Variants in PLD5 observed in about 807,000 individuals in gnomAD.
The protein encoded by PLD5 is inactive phospholipase D5.
Under a neutral mutation model 61.1 loss-of-function variants are expected in PLD5, and 36 were observed. The observed-to-expected ratio is 0.59, with a 90% CI of 0.45 to 0.78. The LOEUF (loss-of-function observed/expected upper bound fraction) is 0.78. PLD5 is among the 30% of genes least tolerant of loss of function. PLD5 has a pLI of 0.00. For missense variants in PLD5, 515 were observed against 644.4 expected, an observed-to-expected ratio of 0.80 and a Z score of 2.17; for synonymous variants, 243 against 242.8, an observed-to-expected ratio of 1.00 and a Z score of -0.01.
chr1:242,272,771 A>G (rs1674174529), intron 3 of PLD5, among the ~76,000 whole-genome samples: 1 of 152,132 alleles, frequency 6.6e-6, no homozygotes, highest in Non-Finnish European at 1.5e-5. Context: ...TTATAACCAT[A>G]AATACCTTCA....
At chr1:242,356,550 T>C (rs1660762767) in intron 1 of PLD5, among the ~76,000 whole-genome samples, 1 of 152,170 alleles carries the variant, frequency 6.6e-6, no homozygotes, top group South Asian at 2.1e-4. Flanking sequence ...ATTTAATCTC[T>C]TTTCATTCAA....
chr1:242,097,900 A>G (rs1660374072), intron 9 of PLD5, among the ~76,000 whole-genome samples: 1 of 152,134 alleles, frequency 6.6e-6, no homozygotes, highest in South Asian at 2.1e-4. Flanking sequence ...TAAATCTTTA[A>G]TCCATCTTGA....
At chr1:242,339,916 A>G (rs1558478755) in intron 2 of PLD5, among the ~76,000 whole-genome samples, 1 of 152,224 alleles carries the variant, frequency 6.6e-6, no homozygotes. Flanking sequence ...AGAGGGAGCC[A>G]GTAAGAAATG....
At position 242,183,917 on chromosome 1, in the gene PLD5, T is replaced by TA. The variant is rs1558316517; in HGVS notation, c.735+36070dup. On this transcript the variant is annotated intron_variant, in intron 5 of 9. Coordinates refer to ENST00000536534, the MANE Select transcript of PLD5 (RefSeq NM_001372062.1). ...CTCAAAATAAATAAATAAATAAAAA[T>TA]AAATAAAAGAAACACCTAAGTTTGA... Among the ~76,000 whole-genome samples, 8 of 151,788 alleles carry TA rather than the reference T, an allele frequency of 5.3e-5. No homozygotes were observed. The East Asian group carries it at 1.6e-3, about 30-fold the overall frequency.
chr1:242,428,712 AAAG>A (rs1019319704), intron 1 of PLD5, among the ~76,000 whole-genome samples: 22 of 143,784 alleles, frequency 1.5e-4, no homozygotes, highest in African/African-American at 5.4e-4. Context: ...ATTCTATACC[AAAG>A]AAGAAGAAGA....
intron 4 of PLD5, among the ~76,000 whole-genome samples, chr1:242,260,681 T>C (rs1281465830): frequency 6.6e-6 from 1 of 152,192 alleles, no homozygotes; most frequent in Non-Finnish European, 1.5e-5. Context: ...TTTCTAAAAA[T>C]ACCAAATGAC....
chr1:242,229,155 A>T (rs1175101309), intron 4 of PLD5, among the ~76,000 whole-genome samples: 1 of 152,198 alleles, frequency 6.6e-6, no homozygotes, highest in East Asian at 1.9e-4. Context: ...CAAAATAAAC[A>T]TCCTGTCAAA....
At chr1:242,274,679 G>A (rs573294092) in intron 3 of PLD5, among the ~76,000 whole-genome samples, 20 of 152,118 alleles carry the variant, frequency 1.3e-4, no homozygotes, top group Admixed American at 4.6e-4. Flanking sequence ...GCGTGAACCC[G>A]GGAAGCGGGG....
chr1:242,152,697 T>C (rs1156451508), intron 5 of PLD5, among the ~76,000 whole-genome samples: 1 of 152,146 alleles, frequency 6.6e-6, no homozygotes, highest in African/African-American at 2.4e-5. Flanking sequence ...ATCCTTTTTT[T>C]GTGGCTGCGT....
chr1:242,224,198 A>G (rs1339501225), intron 4 of PLD5, among the ~76,000 whole-genome samples: 1 of 152,224 alleles, frequency 6.6e-6, no homozygotes, highest in African/African-American at 2.4e-5. Flanking sequence ...ACATTTAGAT[A>G]AAAGGGCAGA....
intron 4 of PLD5, among the ~76,000 whole-genome samples, chr1:242,240,530 G>A (rs988810851): frequency 6.6e-6 from 1 of 152,144 alleles, no homozygotes; most frequent in African/African-American, 2.4e-5. Context: ...TCTAGGTTTG[G>A]TGAGGTGGGC....
At chr1:242,207,894 A>AT (rs1267254006) in intron 5 of PLD5, among the ~76,000 whole-genome samples, 2 of 33,392 alleles carry the variant, frequency 6.0e-5, no homozygotes, top group South Asian at 2.4e-3. Flanking sequence ...ATTTATATAT[A>AT]TTTATATATT....
intron 5 of PLD5, chr1:242,178,440 C>T (rs973796006): frequency 1.3e-5 from 2 of 152,100 alleles, no homozygotes; most frequent in African/African-American, 4.8e-5. Flanking sequence ...AGAAATGAAG[C>T]TTTTATCATG....
At chr1:242,380,177 A>G in intron 1 of PLD5, among the ~76,000 whole-genome samples, 1 of 152,214 alleles carries the variant, frequency 6.6e-6, no homozygotes, top group African/African-American at 2.4e-5. Flanking sequence ...TAATATGGTG[A>G]CAGTAAAATT....
intron 4 of PLD5, among the ~76,000 whole-genome samples, chr1:242,224,303 T>A (rs551664051): frequency 6.6e-6 from 1 of 152,178 alleles, no homozygotes; most frequent in Non-Finnish European, 1.5e-5. Flanking sequence ...GACAAATTTT[T>A]ATAGAAGAGA....
chr1:242,303,459 T>C (rs990462082), intron 2 of PLD5, among the ~76,000 whole-genome samples: 1 of 152,250 alleles, frequency 6.6e-6, no homozygotes, highest in African/African-American at 2.4e-5. Context: ...ATTAAAAGTA[T>C]TTCTAAAATG....
intron 1 of PLD5, among the ~76,000 whole-genome samples, chr1:242,511,081 T>A (rs989490590): frequency 1.3e-5 from 2 of 152,058 alleles, no homozygotes; most frequent in Non-Finnish European, 1.5e-5. Flanking sequence ...TACCACAGCA[T>A]AAGGAAGTTC....
intron 8 of PLD5, among the ~76,000 whole-genome samples, chr1:242,103,410 C>A (rs374872549): frequency 2.0e-5 from 3 of 152,224 alleles, no homozygotes; most frequent in African/African-American, 7.2e-5. Flanking sequence ...TGCATGCACT[C>A]ATTCAACATG....
At chr1:242,500,872 C>T (rs554386543) in intron 1 of PLD5, among the ~76,000 whole-genome samples, 2 of 152,142 alleles carry the variant, frequency 1.3e-5, no homozygotes, top group Non-Finnish European at 2.9e-5. Context: ...AACTAAATGT[C>T]GGGGCTTCAC....
Sources: allele counts gnomAD v4.1 joint callset (sites outside exome capture counted in the v4.1 genomes callset), GRCh38; gene constraint gnomAD v4.1.1; transcripts MANE v1.5; gene names NCBI Gene and HGNC (gene_info 2026-07-23, HGNC 2026-07-21).